TAF3: variants seen among roughly 807,000 people sequenced by gnomAD.
TAF3 encodes the protein TATA-box binding protein associated factor 3, also known as transcription initiation factor TFIID subunit 3.
In TAF3, 7 loss-of-function variants were observed where a neutral mutation model predicts 80.6. That is an observed-to-expected ratio of 0.09 (90% CI 0.05 to 0.16). The LOEUF is 0.16. Among genes scored for constraint, TAF3 ranks in the 10% least tolerant of loss-of-function variants. The pLI is 1.00. For missense variants in TAF3, 921 were observed against 1,140.2 expected, an observed-to-expected ratio of 0.81 and a Z score of 2.77; for synonymous variants, 444 against 446.1, an observed-to-expected ratio of 1.00 and a Z score of 0.06.
intron 2 of TAF3, among the ~76,000 whole-genome samples, chr10:7,887,997 C>T (rs1837424978): frequency 6.6e-6 from 1 of 152,144 alleles, no homozygotes; most frequent in South Asian, 2.1e-4. Context: ...AGTGCCCCTG[C>T]CACCACCGCC....
intron 2 of TAF3, among the ~76,000 whole-genome samples, chr10:7,939,288 G>A (rs1431966472): frequency 5.9e-5 from 9 of 152,142 alleles, no homozygotes; most frequent in Admixed American, 5.2e-4. Flanking sequence ...CTGAACAGGT[G>A]AGACTTTCCT....
At chr10:7,869,105 ACTT>A (rs1449901697) in intron 2 of TAF3, among the ~76,000 whole-genome samples, 2 of 152,204 alleles carry the variant, frequency 1.3e-5, no homozygotes, top group Non-Finnish European at 2.9e-5. Flanking sequence ...ATTATATTCT[ACTT>A]ATTTTAAAAA....
intron 2 of TAF3, among the ~76,000 whole-genome samples, chr10:7,903,639 C>T (rs1837580540): frequency 6.6e-6 from 1 of 152,090 alleles, no homozygotes; most frequent in Admixed American, 6.5e-5. Context: ...AGCATTGCAC[C>T]ATATATGAAA....
chr10:7,929,612 C>T (rs767518148), intron 2 of TAF3, among the ~76,000 whole-genome samples: 2 of 152,106 alleles, frequency 1.3e-5, no homozygotes, highest in Non-Finnish European at 2.9e-5. Flanking sequence ...GACCTACTCA[C>T]CTCAACATCC....
At chr10:7,836,006 G>C (rs1836848607) in intron 2 of TAF3, among the ~76,000 whole-genome samples, 1 of 152,116 alleles carries the variant, frequency 6.6e-6, no homozygotes, top group Admixed American at 6.5e-5. Context: ...CTTTTCTTCA[G>C]CGCCATCATA....
intron 4 of TAF3, among the ~76,000 whole-genome samples, chr10:8,007,512 C>T (rs1241912630): frequency 7.0e-6 from 1 of 142,146 alleles, no homozygotes; most frequent in Non-Finnish European, 1.5e-5. Context: ...CATATTTTAT[C>T]TCTGATTATT....
At chr10:7,847,771 T>G (rs556726800) in intron 2 of TAF3, among the ~76,000 whole-genome samples, 1 of 152,076 alleles carries the variant, frequency 6.6e-6, no homozygotes, top group African/African-American at 2.4e-5. Flanking sequence ...AAAACTTCTT[T>G]TTTTCTTAAT....
intron 2 of TAF3, among the ~76,000 whole-genome samples, chr10:7,950,021 G>A (rs548008420): frequency 1.3e-5 from 2 of 152,218 alleles, no homozygotes; most frequent in African/African-American, 2.4e-5. Flanking sequence ...TGGTGAAATC[G>A]TTTCTCTCAT....
chr10:7,937,214 T>C (rs1837930227), intron 2 of TAF3, among the ~76,000 whole-genome samples: 1 of 152,232 alleles, frequency 6.6e-6, no homozygotes, highest in Non-Finnish European at 1.5e-5. Flanking sequence ...GTGTGATTGC[T>C]GGATCCTATG....
chr10:7,975,080 A>C, intron 3 of TAF3: 1 of 134,420 alleles, frequency 7.4e-6, no homozygotes, highest in Non-Finnish European at 1.7e-5. Context: ...CAAAAAAAAA[A>C]AAAAAAAAAA....
At chr10:7,849,177 T>TC (rs1837001938) in intron 2 of TAF3, among the ~76,000 whole-genome samples, 2 of 152,336 alleles carry the variant, frequency 1.3e-5, no homozygotes, top group South Asian at 4.1e-4. Flanking sequence ...ACTAGTATTA[T>TC]CTTTTTTTTT....
At chr10:7,882,460 G>C (rs910506389) in intron 2 of TAF3, among the ~76,000 whole-genome samples, 5 of 152,306 alleles carry the variant, frequency 3.3e-5, no homozygotes, top group Admixed American at 3.3e-4. Flanking sequence ...AGAAATGAGA[G>C]GGAGAAGTTT....
intron 2 of TAF3, among the ~76,000 whole-genome samples, chr10:7,941,266 T>G (rs1156794371): frequency 6.6e-6 from 1 of 152,230 alleles, no homozygotes; most frequent in Admixed American, 6.5e-5. Context: ...CTCTCTAGTA[T>G]TTCTTTACTG....
At chr10:7,820,147 C>T (rs906192310) in intron 1 of TAF3, among the ~76,000 whole-genome samples, 5 of 152,164 alleles carry the variant, frequency 3.3e-5, no homozygotes, top group African/African-American at 1.2e-4. Flanking sequence ...CTAGAGTGTC[C>T]TTTGCCCGTG....
chr10:7,969,969 G>C (rs1472748084), intron 3 of TAF3, among the ~76,000 whole-genome samples: 1 of 152,200 alleles, frequency 6.6e-6, no homozygotes, highest in Non-Finnish European at 1.5e-5. Context: ...ACTTATCTCT[G>C]CTTAAAAACA....
chr10:7,914,603 T>C (rs1837690893), intron 2 of TAF3, among the ~76,000 whole-genome samples: 1 of 152,240 alleles, frequency 6.6e-6, no homozygotes, highest in South Asian at 2.1e-4. Flanking sequence ...TTATTTCATA[T>C]GATGTTTGCA....
chr10:7,944,009 C>A (rs1420440712), intron 2 of TAF3, among the ~76,000 whole-genome samples: 2 of 151,024 alleles, frequency 1.3e-5, no homozygotes, highest in Non-Finnish European at 2.9e-5. Flanking sequence ...AATTGATATG[C>A]GTAAGAGGAA....
intron 4 of TAF3, among the ~76,000 whole-genome samples, chr10:8,007,794 A>G (rs962839705): frequency 1.3e-5 from 2 of 151,802 alleles, no homozygotes; most frequent in East Asian, 1.9e-4. Flanking sequence ...TGATGTTTGT[A>G]AAGTGCCTAG....
intron 2 of TAF3, among the ~76,000 whole-genome samples, chr10:7,940,669 T>C (rs992355216): frequency 3.3e-5 from 5 of 152,176 alleles, no homozygotes; most frequent in East Asian, 1.9e-4. Context: ...AGAAATAACA[T>C]AGTGGCCAGG....
Sources: allele counts gnomAD v4.1 joint callset (sites outside exome capture counted in the v4.1 genomes callset), GRCh38; gene constraint gnomAD v4.1.1; transcripts MANE v1.5; gene names NCBI Gene and HGNC (gene_info 2026-07-23, HGNC 2026-07-21).